The following IRAG2 variants were observed in gnomAD, a reference collection of about 807,000 sequenced individuals.
The protein encoded by IRAG2 is lymphoid restricted membrane protein.
Under a neutral mutation model 69.9 loss-of-function variants are expected in IRAG2, and 45 were observed. The ratio of observed to expected loss-of-function variants is 0.64; its 90% CI spans 0.51 to 0.83. The LOEUF (loss-of-function observed/expected upper bound fraction) is 0.83, where lower values mean the gene tolerates loss of function less well. Ranked by LOEUF, IRAG2 falls within the 40% of genes least tolerant of loss-of-function variation. The probability of loss-of-function intolerance (pLI) is 0.00; values close to 1 mark genes in which losing one functional copy is unlikely to be tolerated. For synonymous variants in IRAG2, 193 were observed against 202.4 expected (o/e 0.95, Z 0.40); for missense variants, 520 against 587.0 (o/e 0.89, Z 1.18).
At chr12:25,045,485 A>G (rs1071405) in intron 16 of IRAG2, among the ~76,000 whole-genome samples, 143,185 of 152,026 alleles carry the variant, frequency 0.94, 68,019 homozygotes, top group East Asian at 1. Flanking sequence ...AAACAAGACA[A>G]ACAAACCTTT....
chr12:25,021,970 G>A (rs2139836582), intron 7 of IRAG2, among the ~76,000 whole-genome samples: 1 of 152,290 alleles, frequency 6.6e-6, no homozygotes, highest in Non-Finnish European at 1.5e-5. Flanking sequence ...GCTTCTAACT[G>A]AAGGCAATGG....
intron 20 of IRAG2, 137 bp downstream of exon 20, chr12:25,104,599 T>C: frequency 3.2e-6 from 2 of 629,254 alleles, no homozygotes; most frequent in Non-Finnish European, 5.8e-6. Flanking sequence ...TTATAAACTG[T>C]AAAGCACAAT....
At chr12:25,062,987 A>G in intron 3 of IRAG2, 87 bp downstream of exon 3, 1 of 398,076 alleles carries the variant, frequency 2.5e-6, no homozygotes, top group South Asian at 1.3e-4. Context: ...AGTATGTATC[A>G]GTAGTCTTAG....
chr12:25,100,354 A>G (rs1286389366), intron 15 of IRAG2, among the ~76,000 whole-genome samples: 1 of 152,184 alleles, frequency 6.6e-6, no homozygotes, highest in Non-Finnish European at 1.5e-5. Flanking sequence ...AAAGTTAAAC[A>G]TAGAATTACC....
At chr12:25,017,209 G>C (rs1944536654) in exon 6 of IRAG2, 5 of 1,231,948 alleles carry the variant, frequency 4.1e-6, no homozygotes, top group Non-Finnish European at 5.1e-6. Context: ...AAAATAATAA[G>C]TTTAAGTTGG....
intron 9 of IRAG2, among the ~76,000 whole-genome samples, chr12:25,027,261 T>C (rs1179408209): frequency 6.6e-6 from 1 of 152,186 alleles, no homozygotes; most frequent in Non-Finnish European, 1.5e-5. Flanking sequence ...TCTGTCTCTA[T>C]AGATTTGTCT....
chr12:25,089,751 C>CT lies in IRAG2; in HGVS notation c.438-10dup. 7 of 1,612,908 alleles carry CT rather than the reference C, an allele frequency of 4.3e-6. No individual in the cohort carries two copies. The highest frequency in any genetic ancestry group is 5.9e-6 in the Non-Finnish European group (7 of 1,179,664). On this transcript the variant is annotated splice_polypyrimidine_tract_variant and intron_variant, in intron 12 of 21. Transcript: ENST00000556887. ...GATTATGTTTAAATATGTTTTTTGT[C>CT]TTATCCTACAGCACTTCTGCTAATG...
At chr12:25,016,282 G>A (rs1382489925) in intron 5 of IRAG2, among the ~76,000 whole-genome samples, 3 of 152,050 alleles carry the variant, frequency 2.0e-5, no homozygotes, top group African/African-American at 7.2e-5. Flanking sequence ...GAGACCTGGG[G>A]CTCCATGAAA....
At chr12:25,094,739 CTTTAA>C (rs1460097457) in intron 14 of IRAG2, among the ~76,000 whole-genome samples, 1 of 116,990 alleles carries the variant, frequency 8.5e-6, no homozygotes, top group South Asian at 3.1e-4. Flanking sequence ...GTCTTGTCTT[CTTTAA>C]TTTTTTTCAG....
chr12:25,104,851 G>A (rs1948946365), intron 20 of IRAG2, among the ~76,000 whole-genome samples: 1 of 150,810 alleles, frequency 6.6e-6, no homozygotes, highest in Non-Finnish European at 1.5e-5. Flanking sequence ...ATAACATATA[G>A]GCACATATGT....
chr12:25,074,134 T>G (rs1946514100), intron 6 of IRAG2, among the ~76,000 whole-genome samples: 1 of 152,244 alleles, frequency 6.6e-6, no homozygotes, highest in South Asian at 2.1e-4. Context: ...AAATAGACAT[T>G]GATTTTCATA....
chr12:25,074,725 A>G (rs1157166845), intron 6 of IRAG2, among the ~76,000 whole-genome samples: 1 of 152,206 alleles, frequency 6.6e-6, no homozygotes, highest in African/African-American at 2.4e-5. Flanking sequence ...AATGATTTGG[A>G]GATGAATTTC....
At chr12:25,064,285 A>C (rs1945827326) in intron 4 of IRAG2, among the ~76,000 whole-genome samples, 1 of 152,234 alleles carries the variant, frequency 6.6e-6, no homozygotes. Context: ...ACATCAAAAA[A>C]GTATTCTAAT....
At chr12:25,082,628 A>AAAACG (rs1488717193) in intron 9 of IRAG2, among the ~76,000 whole-genome samples, 1 of 151,724 alleles carries the variant, frequency 6.6e-6, no homozygotes, top group Non-Finnish European at 1.5e-5. Flanking sequence ...AAAAACAAAC[A>AAAACG]AAACAAAACA....
intron 7 of IRAG2, chr12:25,021,073 C>G: frequency 7.9e-6 from 3 of 380,522 alleles, no homozygotes; most frequent in Non-Finnish European, 1.4e-5. Context: ...CTGTGTTTTC[C>G]TTTTCTTTCT....
intron 6 of IRAG2, among the ~76,000 whole-genome samples, chr12:25,074,539 G>A (rs7973136): frequency 0.78 from 118,336 of 152,082 alleles, 46,671 homozygotes; most frequent in East Asian, 0.99. Context: ...TGACAACAAA[G>A]TTGATTCTTC....
At chr12:25,042,408 T>C (rs1001207204) in intron 16 of IRAG2, among the ~76,000 whole-genome samples, 2 of 152,190 alleles carry the variant, frequency 1.3e-5, no homozygotes, top group Non-Finnish European at 2.9e-5. Flanking sequence ...ATAAAATTTC[T>C]GTGGGAGAAA....
intron 6 of IRAG2, among the ~76,000 whole-genome samples, chr12:25,018,450 C>T (rs565205085): frequency 3.5e-4 from 54 of 152,140 alleles, no homozygotes; most frequent in Non-Finnish European, 4.1e-4. Context: ...AAGCAATCTG[C>T]TCACCTCATC....
At chr12:25,066,229 G>C in intron 4 of IRAG2, 136 bp from the exon 5 acceptor site, 1 of 387,608 alleles carries the variant, frequency 2.6e-6, no homozygotes. Flanking sequence ...GGCATCAAGG[G>C]AGTTTATGTT....
Sources: gnomAD v4.1 joint callset for allele counts (sites outside exome capture counted in the v4.1 genomes callset) on GRCh38, gnomAD v4.1.1 for gene constraint, MANE v1.5 for transcripts, NCBI Gene and HGNC (gene_info 2026-07-23, HGNC 2026-07-21) for gene names.